The following SH3RF3 variants were observed in gnomAD, a reference collection of about 807,000 sequenced individuals.
SH3RF3 encodes SH3 domain containing ring finger 3.
Under a neutral mutation model 66.3 loss-of-function variants are expected in SH3RF3, and 29 were observed. The ratio of observed to expected loss-of-function variants is 0.44; its 90% CI spans 0.33 to 0.60. The LOEUF is 0.60. SH3RF3 is among the 20% of genes least tolerant of loss of function. The probability of loss-of-function intolerance (pLI) is 0.04; values close to 1 mark genes in which losing one functional copy is unlikely to be tolerated. For missense variants in SH3RF3, 1,194 were observed against 1,190.9 expected (o/e 1.00, Z -0.04); for synonymous variants, 583 against 532.0 (o/e 1.10, Z -1.32).
At chr2:109,420,634 A>G (rs1664978672) in intron 5 of SH3RF3, among the ~76,000 whole-genome samples, 1 of 152,042 alleles carries the variant, frequency 6.6e-6, no homozygotes, top group African/African-American at 2.4e-5. Context: ...TTTAGTAGAG[A>G]TGGGGTTTCA....
Position 109,436,993 on chromosome 2 carries a change from C to T in SH3RF3, c.1675C>T (p.Leu559=), listed in dbSNP as rs1677419708. 6.2e-7 allele frequency: 1 copy of T among 1,613,864 alleles called. No homozygotes were observed. Among genetic ancestry groups the T allele is most frequent in the Non-Finnish European group, 8.5e-7 (1 of 1,179,894 alleles). The change falls in exon 7 of 10, where the codon CTG becomes TTG. Residue 559 remains leucine, a synonymous_variant. Transcript: ENST00000309415. ...AACCATGCACCCAGGCAGTGGGAGTCTGAGCAGCCTGGCCACTGCCACCAG... is the reference window on the plus strand; with the variant it reads ...AACCATGCACCCAGGCAGTGGGAGTTTGAGCAGCCTGGCCACTGCCACCAG... ...TTTMHPGSGS[L]SSLATATRPA... is the part of the protein sequence containing the mutation.
chr2:109,206,605 C>G lies in SH3RF3; in HGVS notation c.573+76492C>G, dbSNP rs189969379. On this transcript the variant is annotated intron_variant, in intron 1 of 9. Coordinates refer to ENST00000309415, the MANE Select transcript of SH3RF3 (RefSeq NM_001099289.3). ...GGGAGGATAGCTTGAGGCTGGAGTT[C>G]AAGACCAGCCTGGGAAACATAAGTA... 1.3e-3 allele frequency among the ~76,000 whole-genome samples: 194 copies of G among 149,550 alleles called. 6 individuals carry two copies. Among genetic ancestry groups the G allele is most frequent in the Admixed American group, 0.013 (192 of 15,052 alleles).
intron 1 of SH3RF3, among the ~76,000 whole-genome samples, chr2:109,311,776 A>G (rs1403238409): frequency 2.3e-5 from 3 of 132,960 alleles, no homozygotes; most frequent in East Asian, 4.1e-4. Flanking sequence ...TGAGCAAGTC[A>G]TATCAAGGCT....
At chr2:109,274,911 C>G (rs573131060) in intron 1 of SH3RF3, among the ~76,000 whole-genome samples, 1 of 151,192 alleles carries the variant, frequency 6.6e-6, no homozygotes, top group Non-Finnish European at 1.5e-5. Flanking sequence ...GGCTGCACAA[C>G]ATTGTGAATG....
chr2:109,383,612 G>C (rs1034120459), intron 3 of SH3RF3, among the ~76,000 whole-genome samples: 1 of 152,198 alleles, frequency 6.6e-6, no homozygotes, highest in South Asian at 2.1e-4. Flanking sequence ...TGTGTGCCCT[G>C]TGGGGTACTT....
intron 1 of SH3RF3, among the ~76,000 whole-genome samples, chr2:109,145,239 C>T (rs1296012557): frequency 1.3e-5 from 2 of 152,154 alleles, no homozygotes; most frequent in Non-Finnish European, 1.5e-5. Context: ...CCACGGTCTC[C>T]CCAGTCCATC....
intron 1 of SH3RF3, among the ~76,000 whole-genome samples, chr2:109,206,065 C>T (rs775892607): frequency 2.4e-4 from 36 of 152,164 alleles, no homozygotes; most frequent in African/African-American, 7.0e-4. Flanking sequence ...TTCCAGCCTC[C>T]GCGGTGGGCA....
intron 1 of SH3RF3, among the ~76,000 whole-genome samples, chr2:109,142,748 C>T (rs1676987850): frequency 6.6e-6 from 1 of 152,210 alleles, no homozygotes; most frequent in Non-Finnish European, 1.5e-5. Flanking sequence ...CCTCTGGCTT[C>T]ACCTGCCAAA....
chr2:109,247,763 T>G (rs990896235), intron 1 of SH3RF3, among the ~76,000 whole-genome samples: 4 of 152,216 alleles, frequency 2.6e-5, no homozygotes, highest in African/African-American at 9.7e-5. Flanking sequence ...ACTTAGAGGC[T>G]TAAAATAATA....
At chr2:109,130,964 A>G (rs1430693291) in intron 1 of SH3RF3, among the ~76,000 whole-genome samples, 1 of 151,928 alleles carries the variant, frequency 6.6e-6, no homozygotes, top group Non-Finnish European at 1.5e-5. Context: ...AAAAGAAAGG[A>G]CCCGGGTTTT....
chr2:109,459,852 T>G (rs1678165351), intron 8 of SH3RF3, among the ~76,000 whole-genome samples: 1 of 152,190 alleles, frequency 6.6e-6, no homozygotes, highest in African/African-American at 2.4e-5. Context: ...GGGGTCATAA[T>G]AAGTGGTGCT....
intron 3 of SH3RF3, among the ~76,000 whole-genome samples, chr2:109,393,545 T>G (rs879439039): frequency 7.2e-5 from 11 of 152,156 alleles, no homozygotes; most frequent in Non-Finnish European, 1.5e-4. Context: ...CAGTCCGTTT[T>G]GTTTTCCGAA....
At chr2:109,297,259 C>A (rs968089898) in intron 1 of SH3RF3, among the ~76,000 whole-genome samples, 2 of 152,136 alleles carry the variant, frequency 1.3e-5, no homozygotes, top group African/African-American at 4.8e-5. Flanking sequence ...TCATCGTCAT[C>A]ACTGTTAATA....
At chr2:109,185,293 C>T (rs1294978001) in intron 1 of SH3RF3, among the ~76,000 whole-genome samples, 1 of 152,012 alleles carries the variant, frequency 6.6e-6, no homozygotes, top group African/African-American at 2.4e-5. Flanking sequence ...GAATAAAATC[C>T]CATGTAAGAG....
At chr2:109,403,701 C>T (rs967648240) in intron 4 of SH3RF3, among the ~76,000 whole-genome samples, 1 of 152,216 alleles carries the variant, frequency 6.6e-6, no homozygotes, top group African/African-American at 2.4e-5. Context: ...GGCTCCCTCT[C>T]TCTAGCTGTG....
At chr2:109,247,390 A>G (rs1425754318) in intron 1 of SH3RF3, among the ~76,000 whole-genome samples, 1 of 152,222 alleles carries the variant, frequency 6.6e-6, no homozygotes, top group Non-Finnish European at 1.5e-5. Flanking sequence ...AACCTAGCAC[A>G]CTTGTGTAAG....
At chr2:109,253,443 C>T (rs967694371) in intron 1 of SH3RF3, among the ~76,000 whole-genome samples, 3 of 152,126 alleles carry the variant, frequency 2.0e-5, no homozygotes, top group Non-Finnish European at 4.4e-5. Context: ...CGCTGCTTTC[C>T]GGGTGGGCTG....
intron 1 of SH3RF3, among the ~76,000 whole-genome samples, chr2:109,134,675 T>G (rs1281413935): frequency 6.6e-6 from 1 of 152,086 alleles, no homozygotes; most frequent in Non-Finnish European, 1.5e-5. Context: ...AATGAGGGTG[T>G]TTTTTGGAAG....
chr2:109,360,924 CA>C (rs919549104), intron 2 of SH3RF3, among the ~76,000 whole-genome samples: 3 of 152,148 alleles, frequency 2.0e-5, no homozygotes, highest in Non-Finnish European at 2.9e-5. Flanking sequence ...TAAAGTTTCC[CA>C]CCATTAAGTT....
Sources: allele counts gnomAD v4.1 joint callset (sites outside exome capture counted in the v4.1 genomes callset), GRCh38; gene constraint gnomAD v4.1.1; transcripts MANE v1.5; gene names NCBI Gene and HGNC (gene_info 2026-07-23, HGNC 2026-07-21).